Variants in TNK2 observed in about 807,000 individuals in gnomAD.
The protein encoded by TNK2 is activated CDC42 kinase 1.
Under a neutral mutation model 101.8 loss-of-function variants are expected in TNK2, and 83 were observed. The observed-to-expected ratio is 0.82, with a 90% CI of 0.68 to 0.98. TNK2 has a LOEUF of 0.98. Ranked by LOEUF, TNK2 falls within the 50% of genes least tolerant of loss-of-function variation. TNK2 has a pLI of 0.00. For missense variants in TNK2, 1,665 were observed against 1,483.2 expected, an observed-to-expected ratio of 1.12 and a Z score of -2.01; for synonymous variants, 804 against 633.0, an observed-to-expected ratio of 1.27 and a Z score of -4.06.
chr3:195,896,019 C>T (rs1433417138), intron 1 of TNK2: 1 of 401,668 alleles, frequency 2.5e-6, no homozygotes. Flanking sequence ...ACTCCCGCAA[C>T]GCCGCACGCG....
At chr3:195,889,933 C>T (rs1020716870) in intron 1 of TNK2, among the ~76,000 whole-genome samples, 2 of 152,096 alleles carry the variant, frequency 1.3e-5, no homozygotes, top group Non-Finnish European at 2.9e-5. Flanking sequence ...TCAGCGGTGG[C>T]CTCCTCCCCA....
At chr3:195,890,454 G>GTTTTT (rs58431049) in intron 1 of TNK2, among the ~76,000 whole-genome samples, 1 of 119,142 alleles carries the variant, frequency 8.4e-6, no homozygotes, top group African/African-American at 3.2e-5. Context: ...TAGTTTTTTG[G>GTTTTT]TTTTTTTTTT....
intron 15 of TNK2, 22 bp from the exon 16 acceptor site, chr3:195,864,209 GCA>G: frequency 6.2e-7 from 1 of 1,613,990 alleles, no homozygotes; most frequent in Non-Finnish European, 8.5e-7. Context: ...GAAACCACCA[GCA>G]CAGTTAAACA....
intron 1 of TNK2, among the ~76,000 whole-genome samples, chr3:195,897,026 C>T (rs968740274): frequency 1.8e-4 from 28 of 152,248 alleles, no homozygotes; most frequent in African/African-American, 6.3e-4. Flanking sequence ...CCTCTCCCAC[C>T]TCCACCTACC....
intron 1 of TNK2, among the ~76,000 whole-genome samples, chr3:195,902,014 T>C (rs1418148217): frequency 6.6e-6 from 1 of 152,148 alleles, no homozygotes; most frequent in Non-Finnish European, 1.5e-5. Flanking sequence ...TTCCACACAG[T>C]GTCACTCCTT....
chr3:195,867,563 G>C lies in TNK2; in HGVS notation c.2735C>G (p.Pro912Arg), dbSNP rs200078114. 2 of 1,570,782 alleles carry C rather than the reference G, an allele frequency of 1.3e-6. No homozygotes were observed. Among genetic ancestry groups the C allele is most frequent in the African/African-American group, 1.3e-5 (1 of 74,356 alleles). The change falls in exon 13 of 16, where the codon CCC (proline) becomes CGC (arginine). Residue 912 changes from proline to arginine, a missense_variant. Pro to Arg is a moderately radical substitution (Grantham distance 103). This residue lies in a region of TNK2 where 1,136 missense variants were observed against 894.9 expected (regional missense o/e 1.27). Transcript: ENST00000672887. ...PLPVPLLLPP[P>R]STPAPAAPTA... ...GGGGGCGGCGGGGGCTGGGGTGCTG[G>C]GTGGGGGCAGCAGCAGAGGCACAGG... is the stretch of plus-strand genomic sequence containing the variant.
At chr3:195,883,581 A>G (rs1334145815) in intron 4 of TNK2, 3 of 427,128 alleles carry the variant, frequency 7.0e-6, no homozygotes, top group Admixed American at 3.4e-5. Context: ...AGTAAGAGAT[A>G]ACCAGTATGA....
Position 195,868,441 on chromosome 3 carries a change from C to A in TNK2, c.1857G>T (p.Pro619=), listed in dbSNP as rs150996995. The A allele has an allele frequency of 5.1e-6, 8 of 1,564,222 alleles. No individual in the cohort carries two copies. Among genetic ancestry groups the A allele is most frequent in the Non-Finnish European group, 6.0e-6 (7 of 1,164,108 alleles). Reference sequence around the variant, plus strand: ...GCAGTGCCCGCGTGGGGCTCTGAGGCGGGGTCTCGTCCAGCAGGGAGCAGG... The same window carrying A: ...GCAGTGCCCGCGTGGGGCTCTGAGGAGGGGTCTCGTCCAGCAGGGAGCAGG... ...MDACSLLDET[P]PQSPTRALPR... The change falls in exon 13 of 16, where the codon CCG becomes CCT. Residue 619 remains proline, a synonymous_variant. Coordinates refer to ENST00000672887, the MANE Select transcript of TNK2 (RefSeq NM_001382273.1).
intron 2 of TNK2, among the ~76,000 whole-genome samples, chr3:195,887,770 T>C (rs780970244): frequency 1.2e-4 from 16 of 137,382 alleles, no homozygotes; most frequent in African/African-American, 2.2e-4. Flanking sequence ...CGCACGTGTG[T>C]GCGTCTGCGC....
rs115824214 is a variant in TNK2, at chr3:195,883,592, T to C, written c.457-283A>G. On this transcript the variant is annotated intron_variant, in intron 4 of 15. Coordinates refer to ENST00000672887, the MANE Select transcript of TNK2 (RefSeq NM_001382273.1). ...AAAAAGTAAGAGATAACCAGTATGA[T>C]GAGAGAATATTCAAATGTTATAAAA... is the stretch of plus-strand genomic sequence containing the variant. 1,828 of 374,112 alleles carry C rather than the reference T, an allele frequency of 4.9e-3. 11 individuals are homozygous for C. The highest frequency in any genetic ancestry group is 0.014 in the East Asian group (296 of 21,340). 23.2% of individuals were successfully genotyped at this position (374,112 alleles called of 1,614,324 possible).
Position 195,867,739 on chromosome 3 carries a change from C to T in TNK2, c.2559G>A (p.Pro853=), listed in dbSNP as rs566117421. 5.1e-5 allele frequency: 81 copies of T among 1,600,936 alleles called. No individual in the cohort carries two copies. The highest frequency in any genetic ancestry group is 2.2e-4 in the East Asian group (10 of 44,710). ...TGGGCAGGATGCAGGGACCAGCCCG[C>T]GGGCCAGGGGCCTGGATCACCTGGG... ...ATPQVIQAPG[P]RAGPCILPIV... The change falls in exon 13 of 16, where the codon CCG becomes CCA. Residue 853 remains proline, a synonymous_variant. Transcript: ENST00000672887.
intron 9 of TNK2, among the ~76,000 whole-genome samples, chr3:195,875,681 C>T (rs1466728722): frequency 6.6e-6 from 1 of 152,164 alleles, no homozygotes; most frequent in Non-Finnish European, 1.5e-5. Context: ...CATGAACAGG[C>T]CGGAGTCCCC....
At position 195,868,499 on chromosome 3, in the gene TNK2, C is replaced by G; in HGVS notation, c.1799G>C (p.Cys600Ser). The change falls in exon 13 of 16, where the codon TGC (cysteine) becomes TCC (serine). Residue 600 changes from cysteine (C) to serine (S), a missense_variant. By Grantham distance (112) the Cys-to-Ser change is moderately radical. Transcript: ENST00000672887. ...GGCCAGCTGCGCCAGGGAGGGCGCG[C>G]AGGGCCGTAGGGCCGGGACCACGGG... ...EEPVVPALRP[C>S]APSLAQLAMD... The G allele has an allele frequency of 6.4e-7, 1 of 1,550,696 alleles. No individual in the cohort carries two copies. Among genetic ancestry groups the G allele is most frequent in the Non-Finnish European group, 8.6e-7 (1 of 1,158,878 alleles).
In TNK2 at chr3:195,887,835, C is replaced by CGT. The variant is rs35572141; in HGVS notation, c.163+589_163+590dup. Among the ~76,000 whole-genome samples the CGT allele has an allele frequency of 6.0e-4, 88 of 145,930 alleles. 1 individual carries two copies. The highest frequency in any genetic ancestry group is 2.0e-3 in the South Asian group (9 of 4,558). On this transcript the variant is annotated intron_variant, in intron 2 of 15. Coordinates refer to ENST00000672887, the MANE Select transcript of TNK2 (RefSeq NM_001382273.1). ...GTGTGCATGCGGGTGTGCGCACACA[C>CGT]GTGTGTGTGTGTGTGCGTGTCTGTG...
Position 195,888,334 on chromosome 3 carries a change from G to T in TNK2, c.163+92C>A. Reference sequence around the variant, plus strand: ...TGCTCCCTCAGGGCTCTGGGACAGAGTTCTCAGCTGCCACCCGTGCACCGA... The same window carrying T: ...TGCTCCCTCAGGGCTCTGGGACAGATTTCTCAGCTGCCACCCGTGCACCGA... On this transcript the variant is annotated intron_variant, in intron 2 of 15. Coordinates refer to ENST00000672887, the MANE Select transcript of TNK2 (RefSeq NM_001382273.1). This position sits in a 1 kb window ranked among gnomAD's most constrained non-coding sequence, Gnocchi z 5.3. 1 of 1,410,326 alleles carries T rather than the reference G, an allele frequency of 7.1e-7. No homozygotes were observed. Among genetic ancestry groups the T allele is most frequent in the Non-Finnish European group, 9.8e-7 (1 of 1,019,542 alleles). 87.4% of individuals were successfully genotyped at this position (1,410,326 alleles called of 1,614,324 possible).
At chr3:195,867,115 C>T (rs1741392730) in intron 14 of TNK2, 54 bp downstream of exon 14, 6 of 1,607,994 alleles carry the variant, frequency 3.7e-6, no homozygotes, top group African/African-American at 1.3e-5. Flanking sequence ...CTGGGGGCAG[C>T]AGAACCAGGC....
intron 1 of TNK2, among the ~76,000 whole-genome samples, chr3:195,893,654 C>G (rs1393994942): frequency 1.3e-5 from 2 of 152,058 alleles, no homozygotes; most frequent in Non-Finnish European, 2.9e-5. Context: ...CTCGCTACGG[C>G]CCCCAGACAC....
intron 9 of TNK2, among the ~76,000 whole-genome samples, chr3:195,873,015 C>T (rs1461768332): frequency 1.3e-5 from 2 of 152,186 alleles, no homozygotes; most frequent in Non-Finnish European, 2.9e-5. Context: ...CAACCTGCCT[C>T]CCGAATGCAG....
At chr3:195,880,091 C>G (rs1237807716) in intron 6 of TNK2, among the ~76,000 whole-genome samples, 1 of 152,100 alleles carries the variant, frequency 6.6e-6, no homozygotes, top group African/African-American at 2.4e-5. Context: ...AGAACTGGAA[C>G]AACCCTTCCC....
Sources: allele counts gnomAD v4.1 joint callset (sites outside exome capture counted in the v4.1 genomes callset), GRCh38; gene constraint gnomAD v4.1.1; regional missense constraint gnomAD v4.1.1; non-coding constraint Gnocchi (gnomAD v3.1); transcripts MANE v1.5; gene names NCBI Gene and HGNC (gene_info 2026-07-23, HGNC 2026-07-21).